Variants in PCDH11X observed in about 807,000 individuals in gnomAD.
PCDH11X encodes the protein protocadherin 11 X-linked.
PCDH11X carries 18 observed loss-of-function variants against 53.3 expected under a neutral mutation model. That is an observed-to-expected ratio of 0.34 (90% CI 0.23 to 0.50). The LOEUF (loss-of-function observed/expected upper bound fraction) is 0.50, where lower values mean the gene tolerates loss of function less well. PCDH11X is among the 20% of genes least tolerant of loss of function. The probability of loss-of-function intolerance (pLI) is 0.98; values close to 1 mark genes in which losing one functional copy is unlikely to be tolerated. For missense variants in PCDH11X, 570 were observed against 1,032.4 expected, an observed-to-expected ratio of 0.55 and a Z score of 6.14; for synonymous variants, 279 against 393.3, an observed-to-expected ratio of 0.71 and a Z score of 3.44.
At chrX:92,364,215 G>C (rs1219706841) in intron 8 of PCDH11X, among the ~76,000 whole-genome samples, 1 of 111,212 alleles carries the variant, frequency 9.0e-6, no homozygotes. Context: ...GCCTTGTTAG[G>C]GGATTTTGTG....
chrX:92,575,928 T>C, intron 10 of PCDH11X, among the ~76,000 whole-genome samples: 1 of 25,998 alleles, frequency 3.8e-5, no homozygotes, highest in African/African-American at 2.3e-4. Context: ...TATATATATA[T>C]ATATATATAT....
At chrX:92,109,001 A>G (rs973229091) in intron 6 of PCDH11X, among the ~76,000 whole-genome samples, 16 of 111,884 alleles carry the variant, frequency 1.4e-4, no homozygotes, top group African/African-American at 4.5e-4. Context: ...TAATTCACTC[A>G]GAGCCGGCTG....
At chrX:91,886,158 A>G (rs1198597275) in intron 6 of PCDH11X, among the ~76,000 whole-genome samples, 4 of 111,700 alleles carry the variant, frequency 3.6e-5, no homozygotes, top group Non-Finnish European at 7.5e-5. Context: ...TTTAATTGAT[A>G]TTATTATTAC....
intron 10 of PCDH11X, among the ~76,000 whole-genome samples, chrX:92,584,848 T>C (rs1335620137): frequency 1.0e-5 from 1 of 97,319 alleles, no homozygotes; most frequent in East Asian, 3.2e-4. Context: ...GGCTGAAGTG[T>C]AATGGCACAA....
intron 5 of PCDH11X, among the ~76,000 whole-genome samples, chrX:91,843,263 ATGTG>A (rs3067347): frequency 0.067 from 6,077 of 90,852 alleles, 212 homozygotes; most frequent in African/African-American, 0.13. Flanking sequence ...ATACATACTT[ATGTG>A]TGTGTGTGTG....
chrX:92,549,593 C>G (rs1443549078), intron 10 of PCDH11X, among the ~76,000 whole-genome samples: 1 of 106,497 alleles, frequency 9.4e-6, no homozygotes, highest in Non-Finnish European at 1.9e-5. Context: ...ACATGTATTT[C>G]TCACCATGAG....
chrX:92,189,936 C>T (rs572604587), intron 6 of PCDH11X, among the ~76,000 whole-genome samples: 12 of 111,726 alleles, frequency 1.1e-4, no homozygotes, highest in African/African-American at 3.9e-4. Context: ...TACATATTTG[C>T]TTAAGTTCCT....
chrX:91,852,746 T>G (rs1460145390), intron 5 of PCDH11X, among the ~76,000 whole-genome samples: 1 of 110,821 alleles, frequency 9.0e-6, no homozygotes, highest in Non-Finnish European at 1.9e-5. Context: ...AAATAGATCT[T>G]AGTGGCACTC....
At position 92,506,737 on chromosome X, in the gene PCDH11X, A is replaced by G. The variant is rs754764078; in HGVS notation, c.3367+38415A>G. On this transcript the variant is annotated intron_variant, in intron 10 of 10. Transcript: ENST00000682573. ...TGTTTCTGTCAGGCTTTGGTTCAGA[A>G]TAATGCTAGTATCATTCTATAATTT... is the stretch of plus-strand genomic sequence containing the variant. 2.8e-5 allele frequency among the ~76,000 whole-genome samples: 3 copies of G among 107,534 alleles called. No individual in the cohort carries two copies. The East Asian group carries it at 8.9e-4, about 32-fold the overall frequency. The allele number at this position is 107,534 out of a possible 115,157, so 93.4% of individuals were successfully genotyped here.
chrX:91,830,929 A>C (rs186121809), intron 4 of PCDH11X, among the ~76,000 whole-genome samples: 2 of 111,814 alleles, frequency 1.8e-5, no homozygotes, highest in East Asian at 5.6e-4. Flanking sequence ...ATTTAAATAT[A>C]TTACAAATGA....
intron 6 of PCDH11X, among the ~76,000 whole-genome samples, chrX:91,994,098 G>C (rs1428533359): frequency 1.1e-5 from 1 of 92,645 alleles, no homozygotes; most frequent in African/African-American, 4.0e-5. Context: ...ATAAATTTAA[G>C]GTATACATTG....
chrX:92,091,858 A>T (rs1241868151), intron 6 of PCDH11X, among the ~76,000 whole-genome samples: 1 of 111,365 alleles, frequency 9.0e-6, no homozygotes, highest in Non-Finnish European at 1.9e-5. Flanking sequence ...AAGACCTAAA[A>T]GAGTGCCTGG....
At chrX:92,065,493 G>A (rs187889227) in intron 6 of PCDH11X, among the ~76,000 whole-genome samples, 9,643 of 110,949 alleles carry the variant, frequency 0.087, 885 homozygotes, top group African/African-American at 0.27. Flanking sequence ...AATGTACAAA[G>A]GTTTTCTTTT....
chrX:92,393,737 T>A (rs1308707413), intron 9 of PCDH11X, among the ~76,000 whole-genome samples: 1 of 110,957 alleles, frequency 9.0e-6, no homozygotes, highest in Non-Finnish European at 1.9e-5. Flanking sequence ...TAGAAAAGTA[T>A]CTATATATAA....
chrX:92,326,854 A>G (rs1268567392), intron 8 of PCDH11X, among the ~76,000 whole-genome samples: 1 of 105,838 alleles, frequency 9.4e-6, no homozygotes, highest in East Asian at 3.0e-4. Flanking sequence ...TCTTTAAAAA[A>G]GAAAAATTCA....
chrX:92,109,563 T>G (rs946296113), intron 6 of PCDH11X, among the ~76,000 whole-genome samples: 12 of 110,695 alleles, frequency 1.1e-4, no homozygotes, highest in African/African-American at 4.0e-4. Flanking sequence ...AAGTGCAGGG[T>G]TTGCAAAATA....
At chrX:92,114,815 G>C (rs1159797076) in intron 6 of PCDH11X, among the ~76,000 whole-genome samples, 1 of 106,512 alleles carries the variant, frequency 9.4e-6, no homozygotes, top group Non-Finnish European at 1.9e-5. Context: ...AATGTCACCT[G>C]TCCTTTCCAT....
chrX:92,518,809 T>G (rs2074317340), intron 10 of PCDH11X, among the ~76,000 whole-genome samples: 1 of 91,913 alleles, frequency 1.1e-5, no homozygotes, highest in Middle Eastern at 6.6e-3. Context: ...CAGGCTGGAG[T>G]GCAGTGGTGT....
chrX:92,546,550 G>GA (rs1209986322), intron 10 of PCDH11X, among the ~76,000 whole-genome samples: 1 of 109,331 alleles, frequency 9.1e-6, no homozygotes, highest in African/African-American at 3.4e-5. Flanking sequence ...TTAATGCAAG[G>GA]AAAAAAAATA....
Sources: allele counts gnomAD v4.1 joint callset (sites outside exome capture counted in the v4.1 genomes callset), GRCh38; gene constraint gnomAD v4.1.1; transcripts MANE v1.5; gene names NCBI Gene and HGNC (gene_info 2026-07-23, HGNC 2026-07-21).